Variants in MRTFB observed in about 807,000 individuals in gnomAD.
MRTFB encodes myocardin related transcription factor B.
A neutral mutation model predicts 104.2 loss-of-function variants in MRTFB; 29 were observed. The observed-to-expected ratio is 0.28, with a 90% CI of 0.21 to 0.38. The LOEUF (loss-of-function observed/expected upper bound fraction) is 0.38. Ranked by LOEUF, MRTFB falls within the 10% of genes least tolerant of loss-of-function variation. The probability of loss-of-function intolerance (pLI) is 1.00; values close to 1 mark genes in which losing one functional copy is unlikely to be tolerated. For missense variants in MRTFB, 1,270 were observed against 1,341.6 expected (o/e 0.95, Z 0.83); for synonymous variants, 535 against 519.5 (o/e 1.03, Z -0.41).
At chr16:14,041,116 G>T in the MRTFB span, among the ~76,000 whole-genome samples, 1 of 150,876 alleles carries the variant, frequency 6.6e-6, no homozygotes, top group African/African-American at 2.4e-5. Flanking sequence ...CTGGGCAACA[G>T]AGCAAAACAC....
intron 3 of MRTFB, among the ~76,000 whole-genome samples, chr16:14,178,726 T>TG (rs1015983146): frequency 5.9e-5 from 9 of 152,006 alleles, no homozygotes; most frequent in South Asian, 2.1e-4. Flanking sequence ...TTTCAGTGTA[T>TG]GGGGGGCAGG....
chr16:14,140,188 T>C (rs1042560723), intron 2 of MRTFB, among the ~76,000 whole-genome samples: 2 of 152,222 alleles, frequency 1.3e-5, no homozygotes, highest in Non-Finnish European at 2.9e-5. Context: ...GGAGTTAAGA[T>C]GAATTTTCAA....
At chr16:14,183,062 A>T (rs1469464381) in intron 3 of MRTFB, among the ~76,000 whole-genome samples, 1 of 152,208 alleles carries the variant, frequency 6.6e-6, no homozygotes, top group Admixed American at 6.5e-5. Flanking sequence ...CCACAGAATA[A>T]TTATATACAA....
Position 14,247,378 on chromosome 16 carries a change from A to T in MRTFB, c.2118A>T (p.Pro706=). 6.2e-7 allele frequency: 1 copy of T among 1,614,040 alleles called. No individual in the cohort carries two copies. The highest frequency in any genetic ancestry group is 8.5e-7 in the Non-Finnish European group (1 of 1,180,024). ...SQFYVSSQGQ[P]PPAVVAQPQA... is the part of the protein sequence containing the mutation. ...TTTATGTGAGTTCCCAGGGACAGCCACCGCCTGCTGTTGTTGCTCAGCCCC... is the reference window on the plus strand; with the variant it reads ...TTTATGTGAGTTCCCAGGGACAGCCTCCGCCTGCTGTTGTTGCTCAGCCCC... The change falls in exon 12 of 17, where the codon CCA becomes CCT. Residue 706 remains proline (P), a synonymous_variant. Transcript: ENST00000571589.
At chr16:14,212,210 T>C (rs1335564316) in intron 4 of MRTFB, 144 bp from the exon 5 acceptor site, 1 of 687,978 alleles carries the variant, frequency 1.5e-6, no homozygotes, top group East Asian at 2.5e-5. Flanking sequence ...ATTTCAAATT[T>C]TGCAGGTCTC....
chr16:14,027,100 C>T, the MRTFB span, among the ~76,000 whole-genome samples: 2 of 152,138 alleles, frequency 1.3e-5, no homozygotes, highest in African/African-American at 4.8e-5. Context: ...AAAACCGGTA[C>T]ATGAATATTC....
the MRTFB span, among the ~76,000 whole-genome samples, chr16:14,052,414 G>A: frequency 6.6e-6 from 1 of 152,052 alleles, no homozygotes; most frequent in Non-Finnish European, 1.5e-5. Context: ...TCTGTGCTGG[G>A]AACATTTCAA....
At chr16:14,245,295 A>C (rs1057492013) in intron 10 of MRTFB, among the ~76,000 whole-genome samples, 1 of 152,080 alleles carries the variant, frequency 6.6e-6, no homozygotes, top group Non-Finnish European at 1.5e-5. Flanking sequence ...GGTCCTTTGC[A>C]TTTCCATATA....
At chr16:14,188,205 C>T (rs1320924230) in intron 3 of MRTFB, among the ~76,000 whole-genome samples, 4 of 152,046 alleles carry the variant, frequency 2.6e-5, no homozygotes, top group Admixed American at 6.6e-5. Flanking sequence ...GTCTTACTGC[C>T]GGTTTTTATA....
chr16:14,064,272 C>T, the MRTFB span, among the ~76,000 whole-genome samples: 10 of 152,048 alleles, frequency 6.6e-5, 1 homozygote, highest in Admixed American at 3.9e-4. Context: ...GTATACATGT[C>T]GTCTTTTGAA....
At chr16:14,082,952 G>A (rs2034497494) in intron 2 of MRTFB, among the ~76,000 whole-genome samples, 1 of 152,124 alleles carries the variant, frequency 6.6e-6, no homozygotes, top group South Asian at 2.1e-4. Flanking sequence ...ACTTTGGGTA[G>A]TATGGTCATT....
intron 2 of MRTFB, among the ~76,000 whole-genome samples, chr16:14,091,174 G>A (rs1182872143): frequency 6.6e-6 from 1 of 152,106 alleles, no homozygotes; most frequent in African/African-American, 2.4e-5. Flanking sequence ...GAGTCCAGGT[G>A]ACAGTTGATG....
chr16:14,142,982 A>G (rs932734432), intron 3 of MRTFB: 8 of 152,222 alleles, frequency 5.3e-5, no homozygotes, highest in African/African-American at 4.8e-5. Flanking sequence ...CTCATTGTTC[A>G]TAAAACCATC....
At chr16:14,107,361 C>G (rs949450382) in intron 2 of MRTFB, among the ~76,000 whole-genome samples, 1 of 152,168 alleles carries the variant, frequency 6.6e-6, no homozygotes, top group Non-Finnish European at 1.5e-5. Flanking sequence ...CTCCCATTCA[C>G]GCCTAGAATC....
chr16:14,057,509 G>A, the MRTFB span, among the ~76,000 whole-genome samples: 1 of 151,932 alleles, frequency 6.6e-6, no homozygotes, highest in African/African-American at 2.4e-5. Flanking sequence ...TCACCTCCAA[G>A]CAGATCCTAG....
chr16:14,162,454 T>C (rs911743228), intron 3 of MRTFB, among the ~76,000 whole-genome samples: 13 of 152,210 alleles, frequency 8.5e-5, no homozygotes, highest in African/African-American at 3.1e-4. Context: ...CAGCACTATT[T>C]GTTGTAGAGA....
intron 3 of MRTFB, among the ~76,000 whole-genome samples, chr16:14,146,576 A>G (rs988965659): frequency 3.3e-5 from 5 of 152,354 alleles, no homozygotes; most frequent in African/African-American, 1.2e-4. Flanking sequence ...TTTGGTTTCA[A>G]TACATGTATT....
intron 2 of MRTFB, among the ~76,000 whole-genome samples, chr16:14,126,689 G>A (rs1361862813): frequency 6.6e-6 from 1 of 152,114 alleles, no homozygotes; most frequent in African/African-American, 2.4e-5. Context: ...CATCAATCCT[G>A]TGAAATAAGT....
At chr16:14,036,296 T>TATTTATATA in the MRTFB span, among the ~76,000 whole-genome samples, 1 of 98,354 alleles carries the variant, frequency 1.0e-5, no homozygotes, top group Non-Finnish European at 2.0e-5. Context: ...TTATATATAT[T>TATTTATATA]TATATATATA....
Sources: allele counts gnomAD v4.1 joint callset (sites outside exome capture counted in the v4.1 genomes callset), GRCh38; gene constraint gnomAD v4.1.1; transcripts MANE v1.5; gene names NCBI Gene and HGNC (gene_info 2026-07-23, HGNC 2026-07-21).